The following PCDHGB1 variants were observed in gnomAD, a reference collection of about 807,000 sequenced individuals.
The protein encoded by PCDHGB1 is protocadherin gamma-B1.
In PCDHGB1, 34 loss-of-function variants were observed where a neutral mutation model predicts 56.6. The ratio of observed to expected loss-of-function variants is 0.60; its 90% CI spans 0.46 to 0.80. The LOEUF (loss-of-function observed/expected upper bound fraction) is 0.80. Ranked by LOEUF, PCDHGB1 falls within the 30% of genes least tolerant of loss-of-function variation. PCDHGB1 has a pLI of 0.00. For synonymous variants in PCDHGB1, 561 were observed against 505.9 expected, an observed-to-expected ratio of 1.11 and a Z score of -1.46; for missense variants, 1,278 against 1,204.6, an observed-to-expected ratio of 1.06 and a Z score of -0.90.
rs756761584 is a variant in PCDHGB1 at position 141,476,545 on chromosome 5, G to A, written c.2410-18262G>A. 13 of 1,614,230 alleles carry A rather than the reference G, an allele frequency of 8.1e-6. No homozygotes were observed. The Admixed American group carries it at 2.2e-4, about 27-fold the overall frequency. On this transcript the variant is annotated intron_variant, in intron 1 of 3. Coordinates refer to ENST00000523390, the MANE Select transcript of PCDHGB1 (RefSeq NM_018922.3). This position sits in a 1 kb window ranked among gnomAD's most constrained non-coding sequence, Gnocchi z 7.6. ...TCCCTACCCAGGAAATGAAATTGGA[G>A]ATTAGCGAGGCCGTGGCTCCGGGGA...
chr5:141,353,558 C>T (rs1204482590), intron 1 of PCDHGB1, among the ~76,000 whole-genome samples: 1 of 152,144 alleles, frequency 6.6e-6, no homozygotes, highest in East Asian at 1.9e-4. Context: ...CAATATTATT[C>T]CCACTCTATA....
chr5:141,500,148 G>T (rs936567158), intron 2 of PCDHGB1, among the ~76,000 whole-genome samples: 6 of 150,990 alleles, frequency 4.0e-5, no homozygotes, highest in African/African-American at 1.5e-4. Flanking sequence ...ACTTTTCTTT[G>T]TGTAATCAAA....
chr5:141,409,248 T>A (rs779725312), intron 1 of PCDHGB1: 3 of 1,614,032 alleles, frequency 1.9e-6, no homozygotes, highest in South Asian at 2.2e-5. Context: ...GAAATAATCA[T>A]CACTTCTCTC....
At chr5:141,452,161 A>G (rs559274240) in intron 1 of PCDHGB1, among the ~76,000 whole-genome samples, 1 of 152,204 alleles carries the variant, frequency 6.6e-6, no homozygotes, top group South Asian at 2.1e-4. Context: ...GTTATATTCT[A>G]TTACTAACAT....
At chr5:141,374,551 G>C (rs1314667705) in intron 1 of PCDHGB1, 2 of 1,613,400 alleles carry the variant, frequency 1.2e-6, no homozygotes, top group African/African-American at 2.7e-5. Context: ...CACTAATGGA[G>C]GTCTATGACC....
chr5:141,409,802 G>A (rs2095317294), intron 1 of PCDHGB1: 10 of 1,611,810 alleles, frequency 6.2e-6, no homozygotes, highest in Non-Finnish European at 7.6e-6. Context: ...CACGCTGCAG[G>A]CCCGCGACCA....
chr5:141,361,114 C>A, intron 1 of PCDHGB1: 1 of 1,613,990 alleles, frequency 6.2e-7, no homozygotes, highest in Non-Finnish European at 8.5e-7. Context: ...TCCTGGAGAT[C>A]TAGCAGCCCA....
At position 141,491,884 on chromosome 5, in the gene PCDHGB1, G is replaced by A. The variant is rs745931108; in HGVS notation, c.2410-2923G>A. The A allele has an allele frequency of 2.8e-6, 4 of 1,446,372 alleles. No homozygotes were observed. The highest frequency in any genetic ancestry group is 2.9e-5 in the Admixed American group (1 of 34,718). 89.6% of individuals were successfully genotyped at this position (1,446,372 alleles called of 1,614,324 possible). ...AACCAGAGTGGCCGATTAAGGGATG[G>A]GGCTCCGAGCACCGGGGGTGGTGGC... On this transcript the variant is annotated intron_variant, in intron 1 of 3. Coordinates refer to ENST00000523390, the MANE Select transcript of PCDHGB1 (RefSeq NM_018922.3). This position sits in a 1 kb window ranked among gnomAD's most constrained non-coding sequence, Gnocchi z 6.9.
chr5:141,500,870 A>C (rs2099803097), intron 2 of PCDHGB1, among the ~76,000 whole-genome samples: 1 of 139,794 alleles, frequency 7.2e-6, no homozygotes, highest in African/African-American at 2.8e-5. Context: ...ATACACATTC[A>C]TTTACAATTT....
intron 1 of PCDHGB1, chr5:141,478,485 G>C (rs2099459345): frequency 1.2e-6 from 2 of 1,613,204 alleles, no homozygotes; most frequent in East Asian, 4.5e-5. Flanking sequence ...AACACGCTGC[G>C]GAGCTGTGAT....
At chr5:141,370,622 C>G in intron 1 of PCDHGB1, 1 of 1,613,902 alleles carries the variant, frequency 6.2e-7, no homozygotes, top group South Asian at 1.1e-5. Context: ...AATTCTTTAC[C>G]GTGAGCCCCG....
At chr5:141,376,180 G>T (rs113596971) in intron 1 of PCDHGB1, 6 of 1,614,100 alleles carry the variant, frequency 3.7e-6, no homozygotes, top group East Asian at 2.2e-5. Context: ...CGGTGGCCGC[G>T]GTCTCCTGCG....
chr5:141,418,883 G>A (rs376245268), intron 1 of PCDHGB1: 5 of 1,613,960 alleles, frequency 3.1e-6, no homozygotes, highest in East Asian at 2.2e-5. Flanking sequence ...AGACGAAAAC[G>A]ACAACAGCCC....
At chr5:141,437,264 A>G (rs2097872616) in intron 1 of PCDHGB1, among the ~76,000 whole-genome samples, 2 of 152,228 alleles carry the variant, frequency 1.3e-5, no homozygotes, top group South Asian at 2.1e-4. Context: ...TTTTATGTGT[A>G]TGACAGATGT....
chr5:141,398,858 G>C, intron 1 of PCDHGB1: 2 of 1,613,986 alleles, frequency 1.2e-6, no homozygotes, highest in Non-Finnish European at 1.7e-6. Flanking sequence ...GTATTCAACC[G>C]AGACGTGTAC....
At chr5:141,497,820 G>A (rs1595489288) in intron 2 of PCDHGB1, among the ~76,000 whole-genome samples, 1 of 152,226 alleles carries the variant, frequency 6.6e-6, no homozygotes, top group Admixed American at 6.5e-5. Flanking sequence ...AATTACAGGT[G>A]TGATCGCCCC....
At chr5:141,448,394 T>C (rs1360417681) in intron 1 of PCDHGB1, among the ~76,000 whole-genome samples, 1 of 152,206 alleles carries the variant, frequency 6.6e-6, no homozygotes. Context: ...TACATTTACA[T>C]GGTTTTAAAA....
intron 1 of PCDHGB1, among the ~76,000 whole-genome samples, chr5:141,381,235 C>T (rs760639728): frequency 6.6e-6 from 1 of 152,270 alleles, no homozygotes; most frequent in Non-Finnish European, 1.5e-5. Context: ...ACCAACTACT[C>T]TCCAGGACCT....
chr5:141,355,220 G>C (rs753002448), intron 1 of PCDHGB1: 2 of 1,607,996 alleles, frequency 1.2e-6, no homozygotes, highest in Non-Finnish European at 1.7e-6. Context: ...CCTCCTGCTC[G>C]CCCAGACCAC....
Sources: gnomAD v4.1 joint callset for allele counts (sites outside exome capture counted in the v4.1 genomes callset) on GRCh38, gnomAD v4.1.1 for gene constraint, Gnocchi (gnomAD v3.1) non-coding constraint, MANE v1.5 for transcripts, NCBI Gene and HGNC (gene_info 2026-07-23, HGNC 2026-07-21) for gene names.